The following DPP6 variants were observed in gnomAD, a reference collection of about 807,000 sequenced individuals.
The protein encoded by DPP6 is A-type potassium channel modulatory protein DPP6.
Under a neutral mutation model 122.6 loss-of-function variants are expected in DPP6, and 69 were observed. The ratio of observed to expected loss-of-function variants is 0.56; its 90% CI spans 0.46 to 0.69. The LOEUF is 0.69. Ranked by LOEUF, DPP6 falls within the 30% of genes least tolerant of loss-of-function variation. DPP6 has a pLI of 0.00. For synonymous variants in DPP6, 418 were observed against 433.1 expected, an observed-to-expected ratio of 0.97 and a Z score of 0.43; for missense variants, 928 against 1,116.9, an observed-to-expected ratio of 0.83 and a Z score of 2.41.
chr7:154,130,509 T>G (rs922722917), intron 1 of DPP6, among the ~76,000 whole-genome samples: 4 of 152,220 alleles, frequency 2.6e-5, no homozygotes, highest in Admixed American at 6.5e-5. Context: ...TGATGTTACT[T>G]TCCTCAATTC....
chr7:154,212,927 G>T (rs780761959), intron 1 of DPP6, among the ~76,000 whole-genome samples: 1 of 152,156 alleles, frequency 6.6e-6, no homozygotes, highest in Non-Finnish European at 1.5e-5. Context: ...CCAAGGACAA[G>T]TTTAGCCCCA....
chr7:154,853,850 A>C, intron 17 of DPP6, 23 bp downstream of exon 17: 1 of 1,612,870 alleles, frequency 6.2e-7, no homozygotes, highest in Non-Finnish European at 8.5e-7. Context: ...TTTTTTCCTT[A>C]AATCTTCCTG....
intron 1 of DPP6, among the ~76,000 whole-genome samples, chr7:154,364,379 A>T (rs1811981421): frequency 6.6e-6 from 1 of 152,136 alleles, no homozygotes; most frequent in Admixed American, 6.5e-5. Flanking sequence ...GCACTGGAGA[A>T]ACCGACCTGC....
At chr7:154,105,125 TA>T (rs1045598370) in intron 1 of DPP6, among the ~76,000 whole-genome samples, 1 of 152,156 alleles carries the variant, frequency 6.6e-6, no homozygotes, top group African/African-American at 2.4e-5. Context: ...AGACTCTGTC[TA>T]AAAAACAAAA....
intron 1 of DPP6, among the ~76,000 whole-genome samples, chr7:154,159,607 C>T (rs1346359365): frequency 4.6e-5 from 7 of 152,334 alleles, no homozygotes; most frequent in South Asian, 2.1e-4. Flanking sequence ...ATAAAGCCTC[C>T]GCCTCTAACA....
intron 1 of DPP6, among the ~76,000 whole-genome samples, chr7:154,290,272 T>C (rs180723443): frequency 1.3e-5 from 2 of 152,350 alleles, no homozygotes; most frequent in African/African-American, 2.4e-5. Context: ...ATTTTAATTT[T>C]AAGTTTTTAT....
the DPP6 span, among the ~76,000 whole-genome samples, chr7:153,849,619 A>G: frequency 1.3e-5 from 2 of 151,924 alleles, no homozygotes; most frequent in Non-Finnish European, 2.9e-5. Context: ...TTTTCTGGAA[A>G]TGGAAGTTTT....
chr7:154,422,707 A>AGATGGATGGGGGGGTG (rs1817574876), intron 1 of DPP6, among the ~76,000 whole-genome samples: 3 of 129,982 alleles, frequency 2.3e-5, no homozygotes, highest in African/African-American at 6.1e-5. Context: ...GTGGGTGGGT[A>AGATGGATGGGGGGGTG]GATGGATGGG....
chr7:154,288,984 C>A (rs548112329), intron 1 of DPP6, among the ~76,000 whole-genome samples: 2 of 152,288 alleles, frequency 1.3e-5, no homozygotes, highest in Admixed American at 1.3e-4. Flanking sequence ...TCTCTTTGTC[C>A]TGGTTAAGTT....
intron 1 of DPP6, among the ~76,000 whole-genome samples, chr7:153,945,171 G>A (rs890999595): frequency 6.6e-6 from 1 of 152,310 alleles, no homozygotes; most frequent in East Asian, 1.9e-4. Flanking sequence ...TGCTCTGTGT[G>A]TTCTTTTAGA....
chr7:154,450,822 C>T (rs372637396), intron 2 of DPP6, among the ~76,000 whole-genome samples: 10 of 152,184 alleles, frequency 6.6e-5, no homozygotes, highest in African/African-American at 1.7e-4. Context: ...ATATTTCTAA[C>T]GAATATAGAG....
intron 1 of DPP6, among the ~76,000 whole-genome samples, chr7:153,924,832 G>A (rs181407637): frequency 3.3e-4 from 51 of 152,298 alleles, no homozygotes; most frequent in Admixed American, 1.4e-3. Flanking sequence ...CAAGTGCTCC[G>A]TTGGTTCAGG....
At chr7:154,623,591 A>G (rs974004821) in intron 5 of DPP6, among the ~76,000 whole-genome samples, 9 of 145,834 alleles carry the variant, frequency 6.2e-5, no homozygotes, top group African/African-American at 2.1e-4. Flanking sequence ...GCACACGCGC[A>G]CACACACGCT....
intron 1 of DPP6, among the ~76,000 whole-genome samples, chr7:154,310,735 C>T (rs898351432): frequency 1.3e-5 from 2 of 151,966 alleles, no homozygotes; most frequent in Non-Finnish European, 2.9e-5. Context: ...CCAGCGTGCA[C>T]GTGGAAAGTG....
At chr7:154,568,299 A>G (rs1830891445) in intron 5 of DPP6, among the ~76,000 whole-genome samples, 1 of 152,356 alleles carries the variant, frequency 6.6e-6, no homozygotes, top group South Asian at 2.1e-4. Context: ...AAAGCCTTAC[A>G]TGGATGTGTT....
At chr7:153,772,555 GAAAC>G in the DPP6 span, among the ~76,000 whole-genome samples, 1 of 152,114 alleles carries the variant, frequency 6.6e-6, no homozygotes, top group African/African-American at 2.4e-5. Flanking sequence ...GAAGAAAAAA[GAAAC>G]AAAGACAAAT....
intron 1 of DPP6, among the ~76,000 whole-genome samples, chr7:153,965,496 T>C (rs1174923106): frequency 6.6e-6 from 1 of 152,136 alleles, no homozygotes; most frequent in Non-Finnish European, 1.5e-5. Flanking sequence ...CCATTCTCCA[T>C]GCACCAATTC....
At chr7:153,829,193 G>C in the DPP6 span, among the ~76,000 whole-genome samples, 1 of 152,150 alleles carries the variant, frequency 6.6e-6, no homozygotes, top group South Asian at 2.1e-4. Flanking sequence ...TTTGGCTTTC[G>C]AGGTCTGTGT....
At chr7:154,300,040 A>G (rs1226241186) in intron 1 of DPP6, among the ~76,000 whole-genome samples, 1 of 152,246 alleles carries the variant, frequency 6.6e-6, no homozygotes, top group Non-Finnish European at 1.5e-5. Context: ...GCACCTGCAC[A>G]GGACTGATTG....
Sources: gnomAD v4.1 joint callset for allele counts (sites outside exome capture counted in the v4.1 genomes callset) on GRCh38, gnomAD v4.1.1 for gene constraint, MANE v1.5 for transcripts, NCBI Gene and HGNC (gene_info 2026-07-23, HGNC 2026-07-21) for gene names.